The following KIF20B variants were observed in gnomAD, a reference collection of about 807,000 sequenced individuals.
KIF20B encodes kinesin-like protein KIF20B.
Under a neutral mutation model 232.5 loss-of-function variants are expected in KIF20B, and 188 were observed. That is an observed-to-expected ratio of 0.81 (90% CI 0.72 to 0.91). The LOEUF (loss-of-function observed/expected upper bound fraction) is 0.91. Among genes scored for constraint, KIF20B ranks in the 40% least tolerant of loss-of-function variants. The pLI, the probability that KIF20B is intolerant of heterozygous loss-of-function variation, is 0.00. For synonymous variants in KIF20B, 712 were observed against 683.0 expected (o/e 1.04, Z -0.66); for missense variants, 2,154 against 2,055.9 (o/e 1.05, Z -0.92).
chr10:89,739,465 A>G (rs1004153691), intron 21 of KIF20B, among the ~76,000 whole-genome samples: 2 of 129,270 alleles, frequency 1.5e-5, no homozygotes, highest in African/African-American at 6.3e-5. Context: ...CAATCACATT[A>G]TTCCAAATTT....
intron 1 of KIF20B, 180 bp downstream of exon 1, chr10:89,701,860 G>C (rs1444668541): frequency 6.6e-6 from 1 of 152,232 alleles, no homozygotes; most frequent in Non-Finnish European, 1.5e-5. Context: ...TACGCAGCGA[G>C]GAATGAGTCA....
At chr10:89,717,134 T>C (rs991578717) in intron 9 of KIF20B, among the ~76,000 whole-genome samples, 1 of 152,188 alleles carries the variant, frequency 6.6e-6, no homozygotes, top group African/African-American at 2.4e-5. Context: ...TAACTAATAT[T>C]ATCTTTTCAA....
Position 89,719,434 on chromosome 10 carries a change from A to G in KIF20B, c.1450A>G (p.Thr484Ala). The G allele has an allele frequency of 6.3e-7, 1 of 1,581,896 alleles. No individual in the cohort carries two copies. The highest frequency in any genetic ancestry group is 8.6e-7 in the Non-Finnish European group (1 of 1,167,110). The change falls in exon 13 of 33, where the codon ACT (threonine) becomes GCT (alanine). Residue 484 changes from threonine to alanine, a missense_variant. Transcript: ENST00000371728. ...AIAQKVCVPD[T>A]LNSSQEKLFG... The stretch of plus-strand genomic sequence containing the variant: ...ATTTTAACAGGTTTGTGTCCCAGAC[A>G]CTTTAAATTCCTCTCAAGAGAAATT...
chr10:89,703,847 G>C (rs1254904867), intron 1 of KIF20B, among the ~76,000 whole-genome samples: 1 of 151,166 alleles, frequency 6.6e-6, no homozygotes, highest in Non-Finnish European at 1.5e-5. Context: ...CTGCCTCCTG[G>C]GTTCAAGCGA....
intron 28 of KIF20B, among the ~76,000 whole-genome samples, chr10:89,762,214 G>A (rs1243005845): frequency 6.6e-6 from 1 of 152,118 alleles, no homozygotes; most frequent in Non-Finnish European, 1.5e-5. Flanking sequence ...TGGCTATAAG[G>A]CCCAAATTCA....
chr10:89,762,382 T>C (rs1842259376), intron 28 of KIF20B, among the ~76,000 whole-genome samples: 1 of 152,158 alleles, frequency 6.6e-6, no homozygotes. Context: ...CAGGAGTCTT[T>C]TAAACAAATT....
At chr10:89,751,264 G>GT in intron 23 of KIF20B, 82 bp from the exon 24 acceptor site, 1 of 1,122,904 alleles carries the variant, frequency 8.9e-7, no homozygotes, top group Non-Finnish European at 1.3e-6. Context: ...TAATAAAAAT[G>GT]TATTTTAATT....
At chr10:89,729,092 A>G (rs764607436) in intron 17 of KIF20B, 36 bp from the exon 18 acceptor site, 6 of 1,310,832 alleles carry the variant, frequency 4.6e-6, no homozygotes, top group Non-Finnish European at 6.1e-6. Flanking sequence ...ATCCTAAAGT[A>G]TATTCATGAA....
At chr10:89,739,417 T>C (rs999561894) in intron 21 of KIF20B, among the ~76,000 whole-genome samples, 3 of 152,176 alleles carry the variant, frequency 2.0e-5, no homozygotes, top group South Asian at 2.1e-4. Context: ...AGTATGATTT[T>C]TTAGTTTTTA....
At chr10:89,736,458 G>GT (rs1336691293) in intron 19 of KIF20B, among the ~76,000 whole-genome samples, 1 of 152,096 alleles carries the variant, frequency 6.6e-6, no homozygotes, top group African/African-American at 2.4e-5. Context: ...AGCTAATAGT[G>GT]TATCTGTTCT....
chr10:89,754,950 G>C (rs1451219451), intron 26 of KIF20B, among the ~76,000 whole-genome samples: 1 of 152,166 alleles, frequency 6.6e-6, no homozygotes, highest in Non-Finnish European at 1.5e-5. Flanking sequence ...GACCGTTACA[G>C]AGTATTCCCT....
In KIF20B at chr10:89,760,400, T is replaced by A. The variant is rs993296979; in HGVS notation, c.4681-126T>A. 5 of 627,618 alleles carry A rather than the reference T, an allele frequency of 8.0e-6. No individual in the cohort carries two copies. In the East Asian group the frequency reaches 8.5e-5, roughly 11 times the overall value. 38.9% of individuals were successfully genotyped at this position (627,618 alleles called of 1,614,324 possible). On this transcript the variant is annotated intron_variant, in intron 27 of 32. Transcript: ENST00000371728. ...GAGGGCTAGGTGGTAATTAAAGGTG[T>A]CTTTACTTAGTAATTTCCATTGTTT...
chr10:89,754,802 A>G, intron 26 of KIF20B, 129 bp downstream of exon 26: 4 of 584,252 alleles, frequency 6.8e-6, no homozygotes, highest in Non-Finnish European at 1.1e-5. Flanking sequence ...TCATCTTTAT[A>G]AGATAACTTC....
At position 89,764,456 on chromosome 10, in the gene KIF20B, C is replaced by G. The variant is rs766456346; in HGVS notation, c.4989+1621C>G. 9.9e-4 allele frequency among the ~76,000 whole-genome samples: 151 copies of G among 152,214 alleles called. 1 individual carries two copies. Among genetic ancestry groups the G allele is most frequent in the Non-Finnish European group, 4.4e-4 (30 of 68,028 alleles). On this transcript the variant is annotated intron_variant, in intron 29 of 32. Coordinates refer to ENST00000371728, the MANE Select transcript of KIF20B (RefSeq NM_001284259.2). ...CAAATGGTATTTCTAGTTCTAGATC[C>G]CTGGGAATCGCCACACTGACTTCCA...
At chr10:89,710,215 GTTTTTT>G in intron 5 of KIF20B, 150 bp downstream of exon 5, 1 of 282,744 alleles carries the variant, frequency 3.5e-6, no homozygotes, top group Non-Finnish European at 6.0e-6. Flanking sequence ...ACGTATTGCT[GTTTTTT>G]TTTTTTTTTG....
chr10:89,710,831 C>T, intron 5 of KIF20B, 130 bp from the exon 6 acceptor site: 1 of 594,916 alleles, frequency 1.7e-6, no homozygotes, highest in South Asian at 2.8e-5. Flanking sequence ...CTGAGTAATC[C>T]TTAGCTATCA....
intron 26 of KIF20B, among the ~76,000 whole-genome samples, chr10:89,757,038 G>GTATATATATATATATATATATA (rs1286710895): frequency 3.8e-5 from 3 of 79,074 alleles, no homozygotes; most frequent in African/African-American, 1.2e-4. Context: ...GTGTGTGTGT[G>GTATATATATATATATATATATA]TGTATATATA....
At position 89,758,780 on chromosome 10, in the gene KIF20B, T is replaced by G. The variant is rs370678800; in HGVS notation, c.4578T>G (p.Val1526=). 1.9e-6 allele frequency: 3 copies of G among 1,608,766 alleles called. No individual in the cohort carries two copies. In the East Asian group the frequency reaches 6.7e-5, roughly 36 times the overall value. Residue 1526 remains valine (V), a synonymous_variant, in exon 27 of 33, where the codon GTT becomes GTG. Transcript: ENST00000371728. ...QKWREERDQL[V]AALEIQLKAL... ...GGCGAGAAGAACGAGATCAACTGGT[T>G]GCAGCTTTAGAAATACAGCTAAAAG...
In KIF20B at chr10:89,754,677, A is replaced by G; in HGVS notation, c.4503+4A>G. On this transcript the variant is annotated splice_donor_region_variant and intron_variant, in intron 26 of 32. Transcript: ENST00000371728. ...TTTTAAGCAACAGAATGAAATGGTT[A>G]GTAACAATTGTATCTTTGATGTATT... 6.5e-7 allele frequency: 1 copy of G among 1,533,974 alleles called. No individual in the cohort carries two copies. Among genetic ancestry groups the G allele is most frequent in the Non-Finnish European group, 8.8e-7 (1 of 1,141,332 alleles).
Sources: gnomAD v4.1 joint callset for allele counts (sites outside exome capture counted in the v4.1 genomes callset) on GRCh38, gnomAD v4.1.1 for gene constraint, MANE v1.5 for transcripts, NCBI Gene and HGNC (gene_info 2026-07-23, HGNC 2026-07-21) for gene names.